RALGPS1: variants seen among roughly 807,000 people sequenced by gnomAD.
RALGPS1 encodes the protein Ral GEF with PH domain and SH3 binding motif 1.
In RALGPS1, 19 loss-of-function variants were observed where a neutral mutation model predicts 78.8. The observed-to-expected ratio is 0.24, with a 90% CI of 0.17 to 0.35. The LOEUF (loss-of-function observed/expected upper bound fraction) is 0.35. Ranked by LOEUF, RALGPS1 falls within the 10% of genes least tolerant of loss-of-function variation. The probability of loss-of-function intolerance (pLI) is 1.00; values close to 1 mark genes in which losing one functional copy is unlikely to be tolerated. For synonymous variants in RALGPS1, 228 were observed against 256.3 expected (o/e 0.89, Z 1.06); for missense variants, 454 against 688.3 (o/e 0.66, Z 3.81).
At chr9:127,018,949 G>A (rs147344537) in intron 4 of RALGPS1, among the ~76,000 whole-genome samples, 85 of 152,256 alleles carry the variant, frequency 5.6e-4, no homozygotes, top group Non-Finnish European at 8.4e-4. Context: ...CCAAAATGTC[G>A]TTCTGCAGTA....
chr9:127,060,639 C>T (rs999211340), intron 7 of RALGPS1, among the ~76,000 whole-genome samples: 1 of 152,102 alleles, frequency 6.6e-6, no homozygotes, highest in African/African-American at 2.4e-5. Context: ...CCTGAACTGT[C>T]ATCCTCTTTC....
chr9:127,184,336 A>T (rs1306895725), intron 11 of RALGPS1: 7 of 346,122 alleles, frequency 2.0e-5, no homozygotes, highest in African/African-American at 6.4e-5. Flanking sequence ...AAAAAAAAAA[A>T]GGAAATGAAC....
intron 4 of RALGPS1, among the ~76,000 whole-genome samples, chr9:127,028,213 G>C (rs1161759487): frequency 6.6e-6 from 1 of 152,218 alleles, no homozygotes; most frequent in African/African-American, 2.4e-5. Flanking sequence ...GTTCTGCTTT[G>C]GTCTATGCCT....
chr9:127,045,280 T>C (rs7864425), intron 5 of RALGPS1, among the ~76,000 whole-genome samples: 71,477 of 152,010 alleles, frequency 0.47, 17,355 homozygotes, highest in Non-Finnish European at 0.52. Context: ...CAGAATGTAA[T>C]AAAAGAATCT....
chr9:127,077,054 G>A (rs565415728), intron 8 of RALGPS1, among the ~76,000 whole-genome samples: 68 of 152,280 alleles, frequency 4.5e-4, no homozygotes, highest in African/African-American at 1.5e-3. Flanking sequence ...GATTGCTTAG[G>A]GCCTAGACAT....
At chr9:127,021,244 G>T (rs1234947903) in intron 4 of RALGPS1, among the ~76,000 whole-genome samples, 1 of 152,126 alleles carries the variant, frequency 6.6e-6, no homozygotes, top group Non-Finnish European at 1.5e-5. Flanking sequence ...GCTCGCAGTT[G>T]TAATCCCAGC....
rs376332862 is a variant in RALGPS1, at chr9:127,214,653, C to T, written c.1553-98C>T. 3.8e-5 allele frequency: 58 copies of T among 1,509,432 alleles called. No homozygotes were observed. The African/African-American group carries it at 7.6e-4, about 20-fold the overall frequency. 93.5% of individuals were successfully genotyped at this position (1,509,432 alleles called of 1,614,324 possible). ...CCAGCTCACCTGGGGCCGACCTTCC[C>T]ACTTTAGTTACCCGTGTTTACATTT... is the stretch of plus-strand genomic sequence containing the variant. On this transcript the variant is annotated intron_variant, in intron 17 of 18. Transcript: ENST00000259351.
intron 10 of RALGPS1, among the ~76,000 whole-genome samples, chr9:127,174,234 C>G (rs950004306): frequency 1.7e-5 from 2 of 118,280 alleles, no homozygotes; most frequent in African/African-American, 6.3e-5. Flanking sequence ...GAAAGAAAGA[C>G]AGAGAGAGAG....
chr9:126,944,506 A>G (rs566912236), intron 1 of RALGPS1, among the ~76,000 whole-genome samples: 75 of 137,456 alleles, frequency 5.5e-4, no homozygotes, highest in African/African-American at 1.8e-3. Context: ...GTCCTCCCAT[A>G]ATGGTTTTTC....
chr9:127,034,415 A>G lies in RALGPS1; in HGVS notation c.217-16A>G. 2 of 1,611,194 alleles carry G rather than the reference A, an allele frequency of 1.2e-6. No homozygotes were observed. Among genetic ancestry groups the G allele is most frequent in the South Asian group, 1.1e-5 (1 of 91,018 alleles). On this transcript the variant is annotated splice_polypyrimidine_tract_variant and intron_variant, in intron 4 of 18. Coordinates refer to ENST00000259351, the MANE Select transcript of RALGPS1 (RefSeq NM_014636.3). The stretch of plus-strand genomic sequence containing the variant: ...CCAACTAGAATCACTGTTGAAATTC[A>G]TTCTGTGCTTCCTAGGAACTAGCCA...
chr9:127,003,924 G>A (rs1341827138), intron 4 of RALGPS1, among the ~76,000 whole-genome samples: 1 of 152,172 alleles, frequency 6.6e-6, no homozygotes, highest in African/African-American at 2.4e-5. Flanking sequence ...AGACGAAACA[G>A]TACCAAATGC....
At chr9:127,185,880 C>T (rs763065720) in intron 11 of RALGPS1, among the ~76,000 whole-genome samples, 2 of 152,202 alleles carry the variant, frequency 1.3e-5, no homozygotes, top group African/African-American at 4.8e-5. Flanking sequence ...GTATGGCTTA[C>T]TCCTCACAGG....
intron 8 of RALGPS1, among the ~76,000 whole-genome samples, chr9:127,092,316 C>A (rs1302167646): frequency 1.3e-5 from 2 of 152,186 alleles, no homozygotes; most frequent in East Asian, 1.9e-4. Flanking sequence ...TGAGCTTCAC[C>A]TCCTTCTCTG....
At chr9:127,176,758 A>G (rs1249459679) in intron 11 of RALGPS1, among the ~76,000 whole-genome samples, 1 of 152,108 alleles carries the variant, frequency 6.6e-6, no homozygotes, top group Non-Finnish European at 1.5e-5. Context: ...GCCTGATTCC[A>G]TGCTGGAGCC....
intron 8 of RALGPS1, among the ~76,000 whole-genome samples, chr9:127,141,616 C>CAAAAAAA (rs61291398): frequency 2.5e-3 from 171 of 68,530 alleles, no homozygotes; most frequent in African/African-American, 2.8e-3. Flanking sequence ...TTTTTAATGG[C>CAAAAAAA]AAAAAAAAAA....
At chr9:126,944,519 A>T (rs981049127) in intron 1 of RALGPS1, among the ~76,000 whole-genome samples, 1 of 124,832 alleles carries the variant, frequency 8.0e-6, no homozygotes. Flanking sequence ...GGTTTTTCAC[A>T]GGAAATGTTG....
intron 7 of RALGPS1, among the ~76,000 whole-genome samples, chr9:127,054,996 TGA>T (rs10555826): frequency 0.038 from 5,342 of 138,820 alleles, 124 homozygotes; most frequent in East Asian, 0.074. Context: ...AGAGATTGAT[TGA>T]GAGAGAGAGA....
intron 8 of RALGPS1, among the ~76,000 whole-genome samples, chr9:127,103,421 T>C (rs1357658921): frequency 1.3e-5 from 2 of 152,254 alleles, no homozygotes; most frequent in African/African-American, 4.8e-5. Context: ...CTGACATTTA[T>C]ACAGTCAGGG....
In RALGPS1 at chr9:127,212,672, C is replaced by T. The variant is rs1032269388; in HGVS notation, c.1399C>T (p.Leu467Phe). 3.1e-6 allele frequency: 5 copies of T among 1,613,668 alleles called. No homozygotes were observed. The highest frequency in any genetic ancestry group is 2.2e-5 in the East Asian group (1 of 44,888). Reference protein sequence around the residue: ...RYWVILSGSTLLYYGAKSLRG... With the variant: ...RYWVILSGSTFLYYGAKSLRG... ...CTGGGTCATACTCTCAGGATCCACC[C>T]TCCTGTACTACGGAGCCAAGTCCTT... The change falls in exon 16 of 19, where the codon CTC becomes TTC. Residue 467 changes from leucine (L) to phenylalanine (F), a missense_variant. Coordinates refer to ENST00000259351, the MANE Select transcript of RALGPS1 (RefSeq NM_014636.3). The surrounding 1 kb of genome is among the most constrained non-coding windows in gnomAD (Gnocchi z 6.0).
Sources: allele counts gnomAD v4.1 joint callset (sites outside exome capture counted in the v4.1 genomes callset), GRCh38; gene constraint gnomAD v4.1.1; non-coding constraint Gnocchi (gnomAD v3.1); transcripts MANE v1.5; gene names NCBI Gene and HGNC (gene_info 2026-07-23, HGNC 2026-07-21).